Variants in ABCG2 observed in about 807,000 individuals in gnomAD.
The protein encoded by ABCG2 is broad substrate specificity ATP-binding cassette transporter ABCG2.
In ABCG2, 80 loss-of-function variants were observed where a neutral mutation model predicts 73.5. The observed-to-expected ratio is 1.09, with a 90% CI of 0.91 to 1.31. The LOEUF is 1.31. ABCG2 is among the 50% of genes most tolerant of loss of function. The pLI is 0.00. For synonymous variants in ABCG2, 269 were observed against 282.4 expected (o/e 0.95, Z 0.48); for missense variants, 796 against 786.2 (o/e 1.01, Z -0.15).
intron 1 of ABCG2, among the ~76,000 whole-genome samples, chr4:88,147,021 G>GAAAGAAAGAAAGAAAGAAAGAAAGAA (rs1726080299): frequency 1.9e-5 from 2 of 107,712 alleles, no homozygotes; most frequent in African/African-American, 4.1e-5. Context: ...GAAAAGGAAA[G>GAAAGAAAGAAAGAAAGAAAGAAAGAA]AAAGAAAGAA....
intron 1 of ABCG2, among the ~76,000 whole-genome samples, chr4:88,199,977 G>C (rs1036339754): frequency 2.6e-5 from 4 of 152,208 alleles, no homozygotes; most frequent in Admixed American, 1.3e-4. Context: ...CTCCAGCCTG[G>C]GCGACAGAGC....
chr4:88,223,629 A>G (rs925644225), intron 1 of ABCG2: 2 of 152,354 alleles, frequency 1.3e-5, no homozygotes, highest in Admixed American at 6.6e-5. Flanking sequence ...AGTCTCAGGT[A>G]TTTCTTCATA....
chr4:88,211,632 T>A (rs1729605014), intron 1 of ABCG2, among the ~76,000 whole-genome samples: 1 of 152,136 alleles, frequency 6.6e-6, no homozygotes, highest in Admixed American at 6.6e-5. Flanking sequence ...TTAGCCAGGA[T>A]GGGCTCGATC....
chr4:88,167,470 C>T (rs1328729676), intron 1 of ABCG2, among the ~76,000 whole-genome samples: 1 of 149,120 alleles, frequency 6.7e-6, no homozygotes, highest in Non-Finnish European at 1.5e-5. Flanking sequence ...GCCTCCCAGG[C>T]TCAAGCAATT....
At chr4:88,105,763 G>A (rs1722728075) in intron 10 of ABCG2, among the ~76,000 whole-genome samples, 1 of 152,200 alleles carries the variant, frequency 6.6e-6, no homozygotes, top group Admixed American at 6.5e-5. Context: ...AACCCACAGA[G>A]TGGGGAAAAA....
At chr4:88,127,228 A>C (rs1464543010) in intron 5 of ABCG2, among the ~76,000 whole-genome samples, 1 of 152,120 alleles carries the variant, frequency 6.6e-6, no homozygotes, top group Non-Finnish European at 1.5e-5. Context: ...GATGTGAAAA[A>C]CCTCCTCAAG....
intron 1 of ABCG2, among the ~76,000 whole-genome samples, chr4:88,144,218 G>C (rs371578991): frequency 4.6e-5 from 7 of 152,126 alleles, no homozygotes; most frequent in Admixed American, 4.6e-4. Flanking sequence ...AAAGCCTTAA[G>C]TGAAAGGAAG....
intron 1 of ABCG2, among the ~76,000 whole-genome samples, chr4:88,175,911 G>A (rs1008826779): frequency 7.2e-5 from 11 of 152,140 alleles, no homozygotes; most frequent in Admixed American, 2.6e-4. Flanking sequence ...AAGCAAGCAC[G>A]GCATTAGGTT....
intron 1 of ABCG2, among the ~76,000 whole-genome samples, chr4:88,182,247 A>G (rs1395583682): frequency 3.3e-5 from 5 of 152,184 alleles, no homozygotes; most frequent in African/African-American, 1.2e-4. Context: ...ACCCAAATAT[A>G]TAAAGCAAAT....
intron 1 of ABCG2, among the ~76,000 whole-genome samples, chr4:88,194,284 C>T (rs992718028): frequency 6.6e-6 from 1 of 151,564 alleles, no homozygotes; most frequent in Non-Finnish European, 1.5e-5. Flanking sequence ...GGCACTGTGG[C>T]TCACGCCTGT....
upstream of ABCG2, among the ~76,000 whole-genome samples, chr4:88,161,830 C>G (rs368457600): frequency 8.9e-6 from 1 of 112,862 alleles, no homozygotes; most frequent in Non-Finnish European, 1.8e-5. Context: ...CTCTCCAGCA[C>G]CTGTTGTTTC....
chr4:88,142,357 C>T (rs902335024), intron 1 of ABCG2, among the ~76,000 whole-genome samples: 1 of 152,074 alleles, frequency 6.6e-6, no homozygotes, highest in Non-Finnish European at 1.5e-5. Context: ...CTAGGCATAT[C>T]ATAATAAAAC....
intron 1 of ABCG2, among the ~76,000 whole-genome samples, chr4:88,172,649 A>G (rs1402570701): frequency 6.6e-6 from 1 of 152,102 alleles, no homozygotes; most frequent in Non-Finnish European, 1.5e-5. Flanking sequence ...TGGTTTTTCA[A>G]TCATACAAAG....
At chr4:88,108,241 G>C (rs1578181967) in intron 9 of ABCG2, among the ~76,000 whole-genome samples, 1 of 152,034 alleles carries the variant, frequency 6.6e-6, no homozygotes, top group East Asian at 1.9e-4. Context: ...ACAAGAAATG[G>C]GCTGGGCGTG....
chr4:88,106,295 A>G (rs1043449466), intron 10 of ABCG2, among the ~76,000 whole-genome samples: 1 of 152,176 alleles, frequency 6.6e-6, no homozygotes, highest in South Asian at 2.1e-4. Context: ...ATGCCACCAC[A>G]CCTGGCTGAA....
intron 1 of ABCG2, among the ~76,000 whole-genome samples, chr4:88,193,484 G>A (rs966160799): frequency 9.2e-5 from 14 of 152,082 alleles, no homozygotes; most frequent in African/African-American, 2.9e-4. Context: ...AGCACCTAAA[G>A]TACTTGCATC....
At chr4:88,107,850 CAACCTCTAGGG>C (rs1194608708) in intron 9 of ABCG2, among the ~76,000 whole-genome samples, 3 of 152,184 alleles carry the variant, frequency 2.0e-5, no homozygotes, top group African/African-American at 7.2e-5. Flanking sequence ...CCTGCCTATC[CAACCTCTAGGG>C]AGTCCATGCC....
intron 1 of ABCG2, among the ~76,000 whole-genome samples, chr4:88,145,338 G>C (rs1725910875): frequency 1.3e-5 from 2 of 152,282 alleles, no homozygotes; most frequent in South Asian, 2.1e-4. Flanking sequence ...AGGTATCATG[G>C]TATTTTATTG....
intron 1 of ABCG2, among the ~76,000 whole-genome samples, chr4:88,223,425 C>T (rs954800575): frequency 1.3e-5 from 2 of 152,106 alleles, no homozygotes; most frequent in Non-Finnish European, 2.9e-5. Context: ...ATGCTGTTCT[C>T]GTGACAGTGA....
Sources: gnomAD v4.1 joint callset for allele counts (sites outside exome capture counted in the v4.1 genomes callset) on GRCh38, gnomAD v4.1.1 for gene constraint, MANE v1.5 for transcripts, NCBI Gene and HGNC (gene_info 2026-07-23, HGNC 2026-07-21) for gene names.